Variants in SNTG1 observed in about 807,000 individuals in gnomAD.
SNTG1 encodes the protein syntrophin gamma 1.
A neutral mutation model predicts 74.7 loss-of-function variants in SNTG1; 39 were observed. The observed-to-expected ratio is 0.52, with a 90% CI of 0.40 to 0.68. SNTG1 has a LOEUF of 0.68. Ranked by LOEUF, SNTG1 falls within the 30% of genes least tolerant of loss-of-function variation. The pLI is 0.00. For missense variants in SNTG1, 685 were observed against 609.5 expected (o/e 1.12, Z -1.30); for synonymous variants, 254 against 217.1 (o/e 1.17, Z -1.49).
Position 50,008,529 on chromosome 8 carries a change from G to C in SNTG1, c.-103+96298G>C, listed in dbSNP as rs544359199. Among the ~76,000 whole-genome samples, 4 of 152,254 alleles carry C rather than the reference G, an allele frequency of 2.6e-5. No homozygotes were observed. The East Asian group carries it at 7.7e-4, about 29-fold the overall frequency. On this transcript the variant is annotated intron_variant, in intron 1 of 18. Transcript: ENST00000642720. The stretch of plus-strand genomic sequence containing the variant: ...TAGGAATGTGATATGTGGGCACATG[G>C]ATGGATAGATGGATGGATGGATCAA...
intron 18 of SNTG1, among the ~76,000 whole-genome samples, chr8:50,758,379 G>C (rs1244552585): frequency 1.3e-5 from 2 of 151,888 alleles, no homozygotes; most frequent in South Asian, 2.1e-4. Flanking sequence ...GTGCAGGTTT[G>C]TTATATAGGT....
chr8:50,249,671 T>C (rs1254687795), intron 2 of SNTG1, among the ~76,000 whole-genome samples: 1 of 152,146 alleles, frequency 6.6e-6, no homozygotes, highest in Non-Finnish European at 1.5e-5. Context: ...AGTCACAAAC[T>C]GCTGTAGCCT....
At chr8:50,707,845 TTAAG>T (rs1289503818) in intron 16 of SNTG1, 1 of 382,296 alleles carries the variant, frequency 2.6e-6, no homozygotes, top group Non-Finnish European at 4.6e-6. Context: ...TATATAAACC[TTAAG>T]TTTTTATTTC....
At chr8:50,729,629 G>A (rs1017958381) in intron 17 of SNTG1, among the ~76,000 whole-genome samples, 1 of 152,182 alleles carries the variant, frequency 6.6e-6, no homozygotes, top group Non-Finnish European at 1.5e-5. Flanking sequence ...CACCTAGCAT[G>A]AGCTATGCTA....
rs558553791 is a variant in SNTG1 at position 50,686,901 on chromosome 8, C to T, written c.1039-17699C>T. ...CTGTAATCCCAGCACTTTGGGAGGC[C>T]GAGGCGGGTGGATCATGAGGTCAGG... On this transcript the variant is annotated intron_variant, in intron 15 of 18. Coordinates refer to ENST00000642720, the MANE Select transcript of SNTG1 (RefSeq NM_018967.5). 2.3e-4 allele frequency among the ~76,000 whole-genome samples: 34 copies of T among 150,700 alleles called. 1 individual carries two copies. In the South Asian group the frequency reaches 2.3e-3, roughly 10 times the overall value.
chr8:50,209,879 G>T (rs1563744161), intron 2 of SNTG1, among the ~76,000 whole-genome samples: 2 of 151,988 alleles, frequency 1.3e-5, no homozygotes, highest in African/African-American at 2.4e-5. Context: ...GAATGACTTT[G>T]TTGAGTTGAG....
In SNTG1 at chr8:50,238,255, T is replaced by C. The variant is rs146611420; in HGVS notation, c.-28+65620T>C. Among the ~76,000 whole-genome samples, 222 of 152,210 alleles carry C rather than the reference T, an allele frequency of 1.5e-3. 1 individual carries two copies. Among genetic ancestry groups the C allele is most frequent in the East Asian group, 0.014 (70 of 5,182 alleles). On this transcript the variant is annotated intron_variant, in intron 2 of 18. Coordinates refer to ENST00000642720, the MANE Select transcript of SNTG1 (RefSeq NM_018967.5). ...GACTTATAACTATACTACAAGGCTATTGTAAGCAAAATAACATGGTACTGA... is the reference window on the plus strand; with the variant it reads ...GACTTATAACTATACTACAAGGCTACTGTAAGCAAAATAACATGGTACTGA...
rs1279952819 is a variant in SNTG1 at position 50,421,042 on chromosome 8, TGGGCGGGG to T, written c.163-17499_163-17492del. ...CCACTTAAAAAAAAAAAAAAGGCGG[TGGGCGGGG>T]GAGGGGGGGGCGAAGATAAAGGGAC... On this transcript the variant is annotated intron_variant, in intron 4 of 18. Coordinates refer to ENST00000642720, the MANE Select transcript of SNTG1 (RefSeq NM_018967.5). 1.3e-3 allele frequency among the ~76,000 whole-genome samples: 4 copies of T among 3,094 alleles called. 1 individual carries two copies. Among genetic ancestry groups the T allele is most frequent in the Non-Finnish European group, 3.4e-3 (4 of 1,194 alleles). 2.0% of individuals were successfully genotyped at this position (3,094 alleles called of 152,430 possible).
chr8:50,480,560 A>C (rs2093731906), intron 8 of SNTG1, among the ~76,000 whole-genome samples: 1 of 152,220 alleles, frequency 6.6e-6, no homozygotes, highest in Non-Finnish European at 1.5e-5. Context: ...CAAATTGCTA[A>C]CTAGTGCTGA....
In SNTG1 at chr8:50,553,146, A is replaced by G. The variant is rs1205062718; in HGVS notation, c.777A>G (p.Ile259Met). Reference protein sequence around the residue: ...AEDCVDWLQAIATNISNLTKH... With the variant: ...AEDCVDWLQAMATNISNLTKH... ...ACTGCGTTGACTGGCTACAAGCAAT[A>G]GCAACTAACATTTCAAATCTCACAA... The change falls in exon 12 of 19, where the codon ATA becomes ATG. Residue 259 changes from isoleucine (I) to methionine (M), a missense_variant. Physicochemically the swap from Ile to Met is conservative, Grantham distance 10 (BLOSUM62 1). Coordinates refer to ENST00000642720, the MANE Select transcript of SNTG1 (RefSeq NM_018967.5). The G allele has an allele frequency of 6.2e-7, 1 of 1,613,918 alleles. No homozygotes were observed. The highest frequency in any genetic ancestry group is 2.2e-5 in the East Asian group (1 of 44,842).
intron 13 of SNTG1, among the ~76,000 whole-genome samples, chr8:50,647,275 A>T (rs1298275419): frequency 6.6e-6 from 1 of 152,182 alleles, no homozygotes; most frequent in Non-Finnish European, 1.5e-5. Flanking sequence ...ATGAGAATAC[A>T]GGCTACAGAC....
intron 2 of SNTG1, among the ~76,000 whole-genome samples, chr8:50,388,593 C>T (rs914261984): frequency 6.6e-6 from 1 of 152,156 alleles, no homozygotes; most frequent in Non-Finnish European, 1.5e-5. Flanking sequence ...GTGTATATGA[C>T]TAACATGAAT....
At chr8:50,071,172 C>T (rs1438292388) in intron 1 of SNTG1, among the ~76,000 whole-genome samples, 1 of 152,086 alleles carries the variant, frequency 6.6e-6, no homozygotes, top group African/African-American at 2.4e-5. Flanking sequence ...ATCTGTGGAC[C>T]TCATTAGTCC....
At position 50,385,406 on chromosome 8, in the gene SNTG1, A is replaced by G. The variant is rs553238493; in HGVS notation, c.-27-8806A>G. On this transcript the variant is annotated intron_variant, in intron 2 of 18. Transcript: ENST00000642720. ...ACCTTAGAAGGGTATCTCAACTGAC[A>G]TCACACCACTGGACCCCCAGAAACT... Among the ~76,000 whole-genome samples the G allele has an allele frequency of 5.3e-5, 8 of 152,320 alleles. 1 individual carries two copies. The highest frequency in any genetic ancestry group is 1.9e-4 in the African/African-American group (8 of 41,568).
At chr8:50,556,978 A>T (rs2094459208) in intron 12 of SNTG1, among the ~76,000 whole-genome samples, 1 of 152,166 alleles carries the variant, frequency 6.6e-6, no homozygotes, top group African/African-American at 2.4e-5. Flanking sequence ...AGATGTCCCA[A>T]CCAGAGGCCC....
chr8:50,321,196 T>C (rs2090515541), intron 2 of SNTG1, among the ~76,000 whole-genome samples: 1 of 152,154 alleles, frequency 6.6e-6, no homozygotes, highest in South Asian at 2.1e-4. Flanking sequence ...TAATATTTGC[T>C]ATATATATCT....
At chr8:50,609,784 T>A (rs185110410) in intron 13 of SNTG1, among the ~76,000 whole-genome samples, 10 of 152,264 alleles carry the variant, frequency 6.6e-5, no homozygotes, top group Admixed American at 5.2e-4. Context: ...TTACTAATTA[T>A]TTTTCCTGGC....
intron 15 of SNTG1, among the ~76,000 whole-genome samples, chr8:50,662,154 C>A (rs1025964621): frequency 6.6e-6 from 1 of 152,122 alleles, no homozygotes; most frequent in East Asian, 1.9e-4. Context: ...CAGCCCAGCC[C>A]TCTCCTGCCA....
chr8:50,421,424 T>A (rs2093085581), intron 4 of SNTG1, among the ~76,000 whole-genome samples: 1 of 152,118 alleles, frequency 6.6e-6, no homozygotes, highest in Non-Finnish European at 1.5e-5. Flanking sequence ...ACTTTCATGG[T>A]GCTGGTGGGA....
Sources: gnomAD v4.1 joint callset for allele counts (sites outside exome capture counted in the v4.1 genomes callset) on GRCh38, gnomAD v4.1.1 for gene constraint, MANE v1.5 for transcripts, NCBI Gene and HGNC (gene_info 2026-07-23, HGNC 2026-07-21) for gene names.